NIPBL: variants seen among roughly 807,000 people sequenced by gnomAD.
NIPBL encodes NIPBL cohesin loading factor, also known as nipped-B-like protein.
In NIPBL, 19 loss-of-function variants were observed where a neutral mutation model predicts 321.8. The observed-to-expected ratio is 0.06, with a 90% CI of 0.04 to 0.09. The LOEUF is 0.09. Ranked by LOEUF, NIPBL falls within the 10% of genes least tolerant of loss-of-function variation. The pLI is 1.00. For synonymous variants in NIPBL, 1,106 were observed against 1,114.1 expected (o/e 0.99, Z 0.14); for missense variants, 2,210 against 3,327.0 (o/e 0.66, Z 8.26).
intron 10 of NIPBL, among the ~76,000 whole-genome samples, chr5:36,989,943 G>A (rs1745298994): frequency 6.8e-6 from 1 of 148,132 alleles, no homozygotes; most frequent in African/African-American, 2.5e-5. Flanking sequence ...ATTTGATTTT[G>A]TTGTTTTTTT....
chr5:37,048,182 T>G (rs1264572349), intron 38 of NIPBL, among the ~76,000 whole-genome samples: 2 of 152,050 alleles, frequency 1.3e-5, no homozygotes, highest in African/African-American at 2.4e-5. Context: ...ACACTACAAG[T>G]CAGTGGTGGA....
At chr5:36,926,456 C>G (rs1749367476) in intron 1 of NIPBL, among the ~76,000 whole-genome samples, 1 of 152,190 alleles carries the variant, frequency 6.6e-6, no homozygotes. Flanking sequence ...AGGCTCGATT[C>G]AGCGGAGACA....
At chr5:36,998,639 C>T (rs559189378) in intron 11 of NIPBL, among the ~76,000 whole-genome samples, 2 of 151,940 alleles carry the variant, frequency 1.3e-5, no homozygotes, top group African/African-American at 4.8e-5. Flanking sequence ...TAGCAAGACC[C>T]CTTCTCTGCC....
chr5:36,914,715 T>C (rs1365417946), intron 1 of NIPBL, among the ~76,000 whole-genome samples: 1 of 152,204 alleles, frequency 6.6e-6, no homozygotes, highest in Non-Finnish European at 1.5e-5. Flanking sequence ...CCTGAATCAC[T>C]TTCAGTGACA....
intron 12 of NIPBL, 85 bp downstream of exon 12, chr5:37,000,655 A>T: frequency 7.0e-7 from 1 of 1,420,238 alleles, no homozygotes; most frequent in Non-Finnish European, 9.8e-7. Flanking sequence ...ATATCTTTTT[A>T]TGAGTTAATA....
At position 37,010,240 on chromosome 5, in the gene NIPBL, A is replaced by C; in HGVS notation, c.4560+15A>C. The C allele has an allele frequency of 6.3e-7, 1 of 1,575,834 alleles. No homozygotes were observed. The highest frequency in any genetic ancestry group is 8.7e-7 in the Non-Finnish European group (1 of 1,145,816). On this transcript the variant is annotated intron_variant, in intron 21 of 46. Coordinates refer to ENST00000282516, the MANE Select transcript of NIPBL (RefSeq NM_133433.4). The stretch of plus-strand genomic sequence containing the variant: ...CAAATAAAAAAGTAAGGAATCTATT[A>C]AAGGTTTTACAACTGTACTTTTATT...
At chr5:36,912,267 A>G (rs1359048294) in intron 1 of NIPBL, among the ~76,000 whole-genome samples, 1 of 152,164 alleles carries the variant, frequency 6.6e-6, no homozygotes, top group East Asian at 1.9e-4. Context: ...AAGTGCTGAC[A>G]CCTAAGTTAG....
intron 10 of NIPBL, among the ~76,000 whole-genome samples, chr5:36,989,329 A>G (rs994238600): frequency 1.3e-5 from 2 of 152,072 alleles, no homozygotes; most frequent in African/African-American, 2.4e-5. Flanking sequence ...CTTATCCTGC[A>G]TTGTTAACTT....
chr5:36,951,399 A>C (rs1302560472), intron 1 of NIPBL, among the ~76,000 whole-genome samples: 1 of 152,184 alleles, frequency 6.6e-6, no homozygotes, highest in Non-Finnish European at 1.5e-5. Flanking sequence ...TTTGTTACTT[A>C]ATCTGCTTGA....
chr5:36,977,565 T>C (rs1353925087), intron 9 of NIPBL, among the ~76,000 whole-genome samples: 2 of 151,440 alleles, frequency 1.3e-5, no homozygotes, highest in African/African-American at 4.8e-5. Flanking sequence ...GAAGTCTTCA[T>C]TTTACTGGCT....
At chr5:37,036,347 G>GTGTGTATATATATA (rs767653666) in intron 32 of NIPBL, 32 bp from the exon 33 acceptor site, 1 of 355,138 alleles carries the variant, frequency 2.8e-6, no homozygotes, top group African/African-American at 2.5e-5. Flanking sequence ...ATATATATAT[G>GTGTGTATATATATA]TATATATATA....
intron 1 of NIPBL, among the ~76,000 whole-genome samples, chr5:36,933,765 C>T (rs1749958855): frequency 6.6e-6 from 1 of 152,046 alleles, no homozygotes; most frequent in Admixed American, 6.6e-5. Context: ...GCTCCTTCAT[C>T]AACTATACCA....
chr5:37,059,177 TA>T lies in NIPBL; in HGVS notation c.7685+14del. ...GGATTTTCTGATAGGTAAGGTTACA[TA>T]AGCAGTGAGAGAAAAAACTTCACTC... On this transcript the variant is annotated intron_variant, in intron 44 of 46. Coordinates refer to ENST00000282516, the MANE Select transcript of NIPBL (RefSeq NM_133433.4). 1 of 1,613,728 alleles carries T rather than the reference TA, an allele frequency of 6.2e-7. No homozygotes were observed. The highest frequency in any genetic ancestry group is 8.5e-7 in the Non-Finnish European group (1 of 1,179,756).
intron 1 of NIPBL, among the ~76,000 whole-genome samples, chr5:36,888,418 A>G (rs1283151598): frequency 6.6e-6 from 1 of 152,060 alleles, no homozygotes; most frequent in Non-Finnish European, 1.5e-5. Context: ...TTGTATATTC[A>G]TTTCAATACT....
intron 1 of NIPBL, among the ~76,000 whole-genome samples, chr5:36,941,584 G>T (rs1739069919): frequency 6.6e-6 from 1 of 150,618 alleles, no homozygotes; most frequent in Admixed American, 6.6e-5. Context: ...TTGTTCAGGT[G>T]TTTTTGCTGT....
rs61005381 is a variant in NIPBL, at chr5:36,952,172, G to A, written c.-79-1446G>A. Reference sequence around the variant, plus strand: ...AGGAAATTCTTAGTTTTAACTACCCGTATAATTATACGTTAAATAATTCTA... The same window carrying A: ...AGGAAATTCTTAGTTTTAACTACCCATATAATTATACGTTAAATAATTCTA... On this transcript the variant is annotated intron_variant, in intron 1 of 46. Transcript: ENST00000282516. Among the ~76,000 whole-genome samples, 1,101 of 151,712 alleles carry A rather than the reference G, an allele frequency of 7.3e-3. 14 individuals carry two copies. Among genetic ancestry groups the A allele is most frequent in the African/African-American group, 0.025 (1,020 of 41,420 alleles).
At chr5:37,062,226 G>A (rs982521934) in intron 45 of NIPBL, among the ~76,000 whole-genome samples, 3 of 152,162 alleles carry the variant, frequency 2.0e-5, no homozygotes, top group African/African-American at 4.8e-5. Context: ...GGATACAGAG[G>A]GCTATGTTTT....
chr5:36,953,960 AG>A (rs1460124589), intron 2 of NIPBL, among the ~76,000 whole-genome samples, 200 bp downstream of exon 2: 4 of 152,294 alleles, frequency 2.6e-5, no homozygotes, highest in South Asian at 2.1e-4. Flanking sequence ...TGTCATGTTC[AG>A]TAATCTGTTG....
chr5:37,015,751 G>T (rs72736710), intron 22 of NIPBL, among the ~76,000 whole-genome samples: 6 of 152,018 alleles, frequency 3.9e-5, no homozygotes, highest in African/African-American at 1.4e-4. Flanking sequence ...AGAATTTATG[G>T]TGATCTTTTA....
Sources: allele counts gnomAD v4.1 joint callset (sites outside exome capture counted in the v4.1 genomes callset), GRCh38; gene constraint gnomAD v4.1.1; transcripts MANE v1.5; gene names NCBI Gene and HGNC (gene_info 2026-07-23, HGNC 2026-07-21).